Variants in PCDHA5 observed in about 807,000 individuals in gnomAD.
PCDHA5 encodes protocadherin alpha 5.
A neutral mutation model predicts 61.6 loss-of-function variants in PCDHA5; 43 were observed. The observed-to-expected ratio is 0.70, with a 90% CI of 0.55 to 0.90. PCDHA5 has a LOEUF of 0.90. Ranked by LOEUF, PCDHA5 falls within the 40% of genes least tolerant of loss-of-function variation. The pLI is 0.00. For missense variants in PCDHA5, 1,298 were observed against 1,222.7 expected (o/e 1.06, Z -0.92); for synonymous variants, 627 against 543.9 (o/e 1.15, Z -2.13).
At chr5:140,852,787 T>G in intron 1 of PCDHA5, 1 of 977,880 alleles carries the variant, frequency 1.0e-6, no homozygotes, top group Non-Finnish European at 1.2e-6. Context: ...AATAGAGGGA[T>G]GCTACAGATG....
intron 1 of PCDHA5, among the ~76,000 whole-genome samples, chr5:140,932,809 CAT>C (rs782729907): frequency 3.3e-5 from 5 of 151,746 alleles, no homozygotes; most frequent in Admixed American, 6.6e-5. Flanking sequence ...ACCTTGGAAA[CAT>C]ATAAGTGGGA....
chr5:140,928,354 A>C (rs374655565), intron 1 of PCDHA5: 10 of 1,614,032 alleles, frequency 6.2e-6, no homozygotes, highest in African/African-American at 1.3e-5. Flanking sequence ...GTTGGATGTT[A>C]TCTCTGAAGG....
rs2150118735 is a variant in PCDHA5, at chr5:140,822,708, C to G, written c.933C>G (p.Asp311Glu). ...TTAACGGGGAACTGGATTATGAAGA[C>G]TATAACTCATATGAAATTAATATTG... ...IKVNGELDYE[D>E]YNSYEINIDA... is the part of the protein sequence containing the mutation. The change falls in exon 1 of 4, where the codon GAC (aspartate) becomes GAG (glutamate). Residue 311 changes from aspartate to glutamate, a missense_variant. Coordinates refer to ENST00000529859, the MANE Select transcript of PCDHA5 (RefSeq NM_018908.3). 6.2e-7 allele frequency: 1 copy of G among 1,610,702 alleles called. No individual in the cohort carries two copies. The highest frequency in any genetic ancestry group is 1.1e-5 in the South Asian group (1 of 90,994).
rs1429396395 is a variant in PCDHA5, at chr5:140,822,422, G to A, written c.647G>A (p.Gly216Glu). The A allele has an allele frequency of 2.5e-6, 4 of 1,613,922 alleles. No individual in the cohort carries two copies. The highest frequency in any genetic ancestry group is 3.4e-6 in the Non-Finnish European group (4 of 1,180,034). ...CGTTTATTAGTGATTGCAACTGATG[G>A]AGGAAAACCCGAACTAACAGGTACA... The part of the protein sequence containing the change: ...EHRLLVIATD[G>E]GKPELTGTVQ... Residue 216 changes from glycine to glutamate, a missense_variant, in exon 1 of 4, where the codon GGA becomes GAA. By Grantham distance (98) the Gly-to-Glu change is moderately conservative (BLOSUM62 -2). Coordinates refer to ENST00000529859, the MANE Select transcript of PCDHA5 (RefSeq NM_018908.3).
At chr5:140,848,358 G>T in intron 1 of PCDHA5, 1 of 1,051,266 alleles carries the variant, frequency 9.5e-7, no homozygotes, top group Non-Finnish European at 1.4e-6. Context: ...CTTTTCCCAT[G>T]GGAAAGAGGC....
chr5:141,010,199 T>G lies in PCDHA5; in HGVS notation c.*262T>G. On this transcript the variant is annotated 3_prime_UTR_variant, in exon 4 of 4. Coordinates refer to ENST00000529859, the MANE Select transcript of PCDHA5 (RefSeq NM_018908.3). Reference sequence around the variant, plus strand: ...AAGCAGACCCAAGTTTCCTTTCTCCTCCGCCGCAAAGGAGAGGCTTCCCAG... The same window carrying G: ...AAGCAGACCCAAGTTTCCTTTCTCCGCCGCCGCAAAGGAGAGGCTTCCCAG... The G allele has an allele frequency of 1.3e-6, 2 of 1,551,990 alleles. No homozygotes were observed. Among genetic ancestry groups the G allele is most frequent in the South Asian group, 1.2e-5 (1 of 84,106 alleles).
chr5:140,892,261 G>A (rs1221882386), intron 1 of PCDHA5, among the ~76,000 whole-genome samples: 1 of 152,020 alleles, frequency 6.6e-6, no homozygotes, highest in Admixed American at 6.6e-5. Context: ...CTTTGATTTT[G>A]TGCTGAAAGT....
Position 140,835,755 on chromosome 5 carries a change from C to T in PCDHA5, c.2352+11628C>T, listed in dbSNP as rs2150244114. Reference sequence around the variant, plus strand: ...CGACAACGCCCCGGCGTTCGCGCAGCCCGAGTATACGGTGTTCGTGAAGGA... The same window carrying T: ...CGACAACGCCCCGGCGTTCGCGCAGTCCGAGTATACGGTGTTCGTGAAGGA... On this transcript the variant is annotated intron_variant, in intron 1 of 3. Coordinates refer to ENST00000529859, the MANE Select transcript of PCDHA5 (RefSeq NM_018908.3). 3.7e-6 allele frequency: 6 copies of T among 1,613,528 alleles called. No homozygotes were observed. Among genetic ancestry groups the T allele is most frequent in the Admixed American group, 3.3e-5 (2 of 60,022 alleles).
At chr5:140,843,111 T>TGAA (rs2150352902) in intron 1 of PCDHA5, 1 of 1,595,832 alleles carries the variant, frequency 6.3e-7, no homozygotes, top group South Asian at 1.1e-5. Context: ...GTGCGCGCAG[T>TGAA]GGACGCCGAC....
chr5:140,856,362 T>A, intron 1 of PCDHA5: 3 of 1,598,570 alleles, frequency 1.9e-6, no homozygotes, highest in Non-Finnish European at 2.6e-6. Flanking sequence ...AGCATCCACC[T>A]GGAGGTGATC....
At chr5:140,887,538 A>AC (rs1554183096) in intron 1 of PCDHA5, among the ~76,000 whole-genome samples, 1 of 151,216 alleles carries the variant, frequency 6.6e-6, no homozygotes, top group Admixed American at 6.6e-5. Flanking sequence ...TCCTCTCCCC[A>AC]CCCCTCATGG....
chr5:140,829,874 C>T lies in PCDHA5; in HGVS notation c.2352+5747C>T, dbSNP rs2150176706. ...TGCAGGCCAAGTGGTGGCGAAGGTGCGCGCAGTTGACGCCGACTCAGGCTA... is the reference window on the plus strand; with the variant it reads ...TGCAGGCCAAGTGGTGGCGAAGGTGTGCGCAGTTGACGCCGACTCAGGCTA... On this transcript the variant is annotated intron_variant, in intron 1 of 3. Transcript: ENST00000529859. The T allele has an allele frequency of 1.2e-5, 19 of 1,613,808 alleles. No individual in the cohort carries two copies. In the South Asian group the frequency reaches 1.8e-4, roughly 15 times the overall value.
chr5:140,882,103 G>A, intron 1 of PCDHA5: 2 of 1,335,054 alleles, frequency 1.5e-6, no homozygotes, highest in Non-Finnish European at 2.0e-6. Context: ...ACGTTTCCGC[G>A]AAGAAAGCCG....
At chr5:140,922,825 C>T (rs1554200979) in intron 1 of PCDHA5, among the ~76,000 whole-genome samples, 1 of 152,178 alleles carries the variant, frequency 6.6e-6, no homozygotes, top group Non-Finnish European at 1.5e-5. Context: ...CAGCATACTG[C>T]TAATAGATGT....
intron 1 of PCDHA5, among the ~76,000 whole-genome samples, chr5:140,937,364 T>C (rs1471697724): frequency 6.6e-6 from 1 of 152,150 alleles, no homozygotes; most frequent in African/African-American, 2.4e-5. Flanking sequence ...TATTTTATCT[T>C]AATGTTTATG....
chr5:140,843,387 C>A (rs2150358876), intron 1 of PCDHA5: 2 of 1,595,950 alleles, frequency 1.3e-6, no homozygotes, highest in East Asian at 4.5e-5. Context: ...GTTTTGGGTC[C>A]GGAAGCGGCG....
At chr5:140,968,729 A>G (rs1563381706) in intron 1 of PCDHA5, 1 of 1,614,134 alleles carries the variant, frequency 6.2e-7, no homozygotes, top group Non-Finnish European at 8.5e-7. Flanking sequence ...GAGTGGTAGC[A>G]CTTTCAACCT....
chr5:140,983,282 G>A (rs1030439196), intron 3 of PCDHA5, among the ~76,000 whole-genome samples: 1 of 152,152 alleles, frequency 6.6e-6, no homozygotes, highest in Non-Finnish European at 1.5e-5. Context: ...GTGAGTATAG[G>A]AAAATTGCTT....
chr5:140,963,395 C>T (rs544819387), intron 1 of PCDHA5, among the ~76,000 whole-genome samples: 4 of 152,322 alleles, frequency 2.6e-5, no homozygotes, highest in African/African-American at 7.2e-5. Flanking sequence ...AAGCTCCCTA[C>T]TGGATGCTGT....
Sources: allele counts gnomAD v4.1 joint callset (sites outside exome capture counted in the v4.1 genomes callset), GRCh38; gene constraint gnomAD v4.1.1; transcripts MANE v1.5; gene names NCBI Gene and HGNC (gene_info 2026-07-23, HGNC 2026-07-21).